UGT8: variants seen among roughly 807,000 people sequenced by gnomAD.
UGT8 encodes the protein UDP glycosyltransferase 8.
UGT8 carries 12 observed loss-of-function variants against 40.5 expected under a neutral mutation model. The ratio of observed to expected loss-of-function variants is 0.30; its 90% CI spans 0.19 to 0.48. The LOEUF is 0.48. Ranked by LOEUF, UGT8 falls within the 20% of genes least tolerant of loss-of-function variation. The pLI, the probability that UGT8 is intolerant of heterozygous loss-of-function variation, is 0.99. For missense variants in UGT8, 513 were observed against 648.7 expected, an observed-to-expected ratio of 0.79 and a Z score of 2.27; for synonymous variants, 224 against 240.4, an observed-to-expected ratio of 0.93 and a Z score of 0.63.
chr4:114,643,042 A>G (rs1017934466), intron 2 of UGT8, among the ~76,000 whole-genome samples: 4 of 152,078 alleles, frequency 2.6e-5, no homozygotes, highest in African/African-American at 7.2e-5. Flanking sequence ...TTTGGTTCTT[A>G]TTATTTTAAT....
chr4:114,651,384 A>T (rs1733887538), intron 2 of UGT8, among the ~76,000 whole-genome samples: 1 of 152,138 alleles, frequency 6.6e-6, no homozygotes, highest in Non-Finnish European at 1.5e-5. Flanking sequence ...GCATTACTTA[A>T]GCTTTTTTCT....
chr4:114,645,018 T>G (rs1206346076), intron 2 of UGT8, among the ~76,000 whole-genome samples: 1 of 134,976 alleles, frequency 7.4e-6, no homozygotes, highest in Non-Finnish European at 1.6e-5. Context: ...TAATTAATTA[T>G]AACACTCTAC....
chr4:114,608,709 T>C (rs376661107), intron 1 of UGT8, among the ~76,000 whole-genome samples: 9 of 152,184 alleles, frequency 5.9e-5, no homozygotes, highest in Admixed American at 3.9e-4. Context: ...GGGGCTTCTA[T>C]AGGTGGATGT....
chr4:114,636,999 A>C (rs563670906), intron 2 of UGT8, among the ~76,000 whole-genome samples: 1 of 152,356 alleles, frequency 6.6e-6, no homozygotes, highest in South Asian at 2.1e-4. Flanking sequence ...CCTTTCAAGC[A>C]GTAGTGAATA....
intron 2 of UGT8, among the ~76,000 whole-genome samples, chr4:114,662,309 T>C: frequency 6.6e-6 from 1 of 152,222 alleles, no homozygotes; most frequent in South Asian, 2.1e-4. Flanking sequence ...GTTTTGGCCA[T>C]TCAACCTCAT....
intron 5 of UGT8, 111 bp from the exon 6 acceptor site, chr4:114,675,814 C>CTTACTAAA: frequency 9.1e-7 from 1 of 1,102,604 alleles, no homozygotes; most frequent in Non-Finnish European, 1.2e-6. Flanking sequence ...ATGCAAGGTA[C>CTTACTAAA]TTACTAAAGA....
At chr4:114,645,313 A>C (rs753168788) in intron 2 of UGT8, among the ~76,000 whole-genome samples, 1 of 152,148 alleles carries the variant, frequency 6.6e-6, no homozygotes, top group Non-Finnish European at 1.5e-5. Flanking sequence ...TACATGTACT[A>C]TTTCATTTTA....
chr4:114,676,590 G>A lies in UGT8; in HGVS notation c.*302G>A, dbSNP rs141680233. On this transcript the variant is annotated 3_prime_UTR_variant, in exon 6 of 6. Transcript: ENST00000310836. ...CTTAGTTTTAAATCTTGATATGTGC[G>A]TGTCCCGGATCAGGAATGGTTTCAT... 4.6e-3 allele frequency: 1,234 copies of A among 265,722 alleles called. 22 individuals are homozygous for A. The highest frequency in any genetic ancestry group is 0.025 in the African/African-American group (1,124 of 44,572). 16.5% of individuals were successfully genotyped at this position (265,722 alleles called of 1,614,324 possible). A position where few individuals can be genotyped will look rare whatever the true frequency, so the allele number is the denominator to read the frequency against.
At chr4:114,600,932 G>C (rs1378108332) in intron 1 of UGT8, among the ~76,000 whole-genome samples, 6 of 152,126 alleles carry the variant, frequency 3.9e-5, no homozygotes, top group Admixed American at 2.6e-4. Flanking sequence ...TTGACATCTA[G>C]TGTTGTGTGA....
chr4:114,649,386 T>G (rs545216777), intron 2 of UGT8, among the ~76,000 whole-genome samples: 2 of 152,316 alleles, frequency 1.3e-5, no homozygotes, highest in South Asian at 4.1e-4. Context: ...TTGCGTCAAT[T>G]AAGATTATGT....
At chr4:114,626,879 A>G (rs977081875) in intron 2 of UGT8, among the ~76,000 whole-genome samples, 23 of 152,232 alleles carry the variant, frequency 1.5e-4, no homozygotes, top group African/African-American at 5.3e-4. Context: ...CTCAAGTCAA[A>G]TGAAACCATA....
intron 1 of UGT8, among the ~76,000 whole-genome samples, chr4:114,610,564 T>G (rs1248194693): frequency 6.6e-6 from 1 of 152,172 alleles, no homozygotes; most frequent in African/African-American, 2.4e-5. Flanking sequence ...ATTCATTCTG[T>G]TTTTCTGCAG....
intron 2 of UGT8, among the ~76,000 whole-genome samples, chr4:114,642,695 A>G (rs1733303134): frequency 6.6e-6 from 1 of 152,056 alleles, no homozygotes; most frequent in Non-Finnish European, 1.5e-5. Flanking sequence ...AAGCAATAGG[A>G]TTTGTTCGCT....
intron 2 of UGT8, among the ~76,000 whole-genome samples, chr4:114,628,451 T>C (rs1012051559): frequency 6.6e-6 from 1 of 152,124 alleles, no homozygotes; most frequent in African/African-American, 2.4e-5. Context: ...TACTAAGTTA[T>C]TTTAATGAAT....
intron 2 of UGT8, among the ~76,000 whole-genome samples, chr4:114,650,847 A>G (rs1469091040): frequency 6.6e-6 from 1 of 152,078 alleles, no homozygotes; most frequent in African/African-American, 2.4e-5. Flanking sequence ...GCTTTTTCAT[A>G]CAAAGGTTTT....
At chr4:114,615,167 A>G (rs1030307975) in intron 1 of UGT8, among the ~76,000 whole-genome samples, 3 of 152,058 alleles carry the variant, frequency 2.0e-5, no homozygotes, top group Admixed American at 1.3e-4. Context: ...ATGGTGGGAT[A>G]TGAGTACATT....
At chr4:114,612,749 A>G (rs565021076) in intron 1 of UGT8, among the ~76,000 whole-genome samples, 184 of 152,248 alleles carry the variant, frequency 1.2e-3, no homozygotes, top group African/African-American at 4.4e-3. Flanking sequence ...CCATATTACT[A>G]GAGAGCTTGT....
rs559008713 is a variant in UGT8, at chr4:114,636,604, T to G, written c.822+12902T>G. On this transcript the variant is annotated intron_variant, in intron 2 of 5. Transcript: ENST00000310836. ...CCTTTCACAGAAATCCGTAATCTCT[T>G]TAAAATATAGCCAGCCTTATCAAAA... Among the ~76,000 whole-genome samples the G allele has an allele frequency of 1.5e-3, 226 of 152,358 alleles. 1 individual carries two copies. Among genetic ancestry groups the G allele is most frequent in the African/African-American group, 4.8e-3 (201 of 41,578 alleles).
At chr4:114,623,770 A>G in intron 2 of UGT8, 68 bp downstream of exon 2, 1 of 1,493,294 alleles carries the variant, frequency 6.7e-7, no homozygotes, top group Non-Finnish European at 8.9e-7. Context: ...TTTGGAAGAG[A>G]TATGATTTGT....
Sources: gnomAD v4.1 joint callset for allele counts (sites outside exome capture counted in the v4.1 genomes callset) on GRCh38, gnomAD v4.1.1 for gene constraint, MANE v1.5 for transcripts, NCBI Gene and HGNC (gene_info 2026-07-23, HGNC 2026-07-21) for gene names.